PCNT: variants seen among roughly 807,000 people sequenced by gnomAD.
PCNT encodes pericentrin.
PCNT carries 319 observed loss-of-function variants against 380.4 expected under a neutral mutation model. That is an observed-to-expected ratio of 0.84 (90% CI 0.77 to 0.92). PCNT has a LOEUF of 0.92. Among genes scored for constraint, PCNT ranks in the 40% least tolerant of loss-of-function variants. The probability of loss-of-function intolerance (pLI) is 0.00; values close to 1 mark genes in which losing one functional copy is unlikely to be tolerated. For missense variants in PCNT, 4,400 were observed against 4,255.3 expected, an observed-to-expected ratio of 1.03 and a Z score of -0.95; for synonymous variants, 1,845 against 1,735.2, an observed-to-expected ratio of 1.06 and a Z score of -1.57.
chr21:46,360,536 T>C (rs1410816080), intron 13 of PCNT, among the ~76,000 whole-genome samples: 2 of 90,672 alleles, frequency 2.2e-5, no homozygotes, highest in Non-Finnish European at 4.4e-5. Flanking sequence ...TTTTTTTTTC[T>C]GAGACGGAAT....
chr21:46,402,071 T>C (rs1017707624), intron 26 of PCNT, among the ~76,000 whole-genome samples: 1 of 152,030 alleles, frequency 6.6e-6, no homozygotes, highest in Non-Finnish European at 1.5e-5. Flanking sequence ...CCAGGCTGGT[T>C]TCCAACTCCT....
chr21:46,374,615 C>T (rs527355791), intron 15 of PCNT, among the ~76,000 whole-genome samples: 21 of 152,168 alleles, frequency 1.4e-4, no homozygotes, highest in African/African-American at 3.4e-4. Context: ...TTTGGGAGGC[C>T]GAGGCGGGTG....
Position 46,418,127 on chromosome 21 carries a change from A to G in PCNT, c.6922-77A>G, listed in dbSNP as rs951196365. The G allele has an allele frequency of 4.5e-6, 4 of 896,058 alleles. No individual in the cohort carries two copies. In the African/African-American group the frequency reaches 5.1e-5, roughly 11 times the overall value. 55.5% of individuals were successfully genotyped at this position (896,058 alleles called of 1,614,324 possible). On this transcript the variant is annotated intron_variant, in intron 30 of 46. Transcript: ENST00000359568. Reference sequence around the variant, plus strand: ...GTGGGAAGATAAATTCAGGCCTTTGAAAGTTTTCACCTGGCAAAGTCAGCG... The same window carrying G: ...GTGGGAAGATAAATTCAGGCCTTTGGAAGTTTTCACCTGGCAAAGTCAGCG...
chr21:46,340,099 G>A (rs1247765886), intron 3 of PCNT, among the ~76,000 whole-genome samples: 1 of 152,214 alleles, frequency 6.6e-6, no homozygotes. Context: ...TCACAGTCAT[G>A]GTGGAAGGCA....
chr21:46,359,482 T>TG (rs2084614738), intron 13 of PCNT, among the ~76,000 whole-genome samples: 1 of 78,696 alleles, frequency 1.3e-5, no homozygotes, highest in Non-Finnish European at 3.0e-5. Context: ...ATACACCTGT[T>TG]TTTTTTTTGT....
intron 21 of PCNT, among the ~76,000 whole-genome samples, 158 bp downstream of exon 21, chr21:46,391,534 G>A (rs1199472747): frequency 2.0e-5 from 3 of 152,190 alleles, no homozygotes; most frequent in Admixed American, 6.5e-5. Flanking sequence ...AAGCTTGTGC[G>A]GATCAGGTGA....
chr21:46,414,230 G>T (rs902377472), intron 29 of PCNT, among the ~76,000 whole-genome samples: 2 of 152,094 alleles, frequency 1.3e-5, no homozygotes, highest in Non-Finnish European at 2.9e-5. Flanking sequence ...GACCTTAGGT[G>T]ATCCACCCTC....
chr21:46,348,579 G>A (rs2084157792), intron 6 of PCNT, among the ~76,000 whole-genome samples: 2 of 152,122 alleles, frequency 1.3e-5, no homozygotes, highest in African/African-American at 2.4e-5. Flanking sequence ...TGGGTGTAAG[G>A]CCTGTCAGGA....
At chr21:46,328,935 G>A (rs530375020) in intron 2 of PCNT, among the ~76,000 whole-genome samples, 86 of 151,902 alleles carry the variant, frequency 5.7e-4, no homozygotes, top group South Asian at 4.2e-3. Flanking sequence ...CACCATGGCC[G>A]GCTAATTTTT....
At chr21:46,418,779 G>A (rs1362533487) in intron 31 of PCNT, among the ~76,000 whole-genome samples, 1 of 152,218 alleles carries the variant, frequency 6.6e-6, no homozygotes, top group South Asian at 2.1e-4. Flanking sequence ...TGTGGGTTTC[G>A]GGGCACCGGC....
In PCNT at chr21:46,346,920, C is replaced by G; in HGVS notation, c.898C>G (p.Gln300Glu). The change falls in exon 5 of 47, where the codon CAG (glutamine) becomes GAG (glutamate). Residue 300 changes from glutamine (Q) to glutamate (E), a missense_variant. Transcript: ENST00000359568. The part of the protein sequence containing the change: ...QELALLQSRQ[Q>E]HELELLREQH... ...GCTGGCCCTGCTACAGAGCAGGCAG[C>G]AGCACGAGCTGGAGCTCCTCAGGGA... 6.2e-7 allele frequency: 1 copy of G among 1,600,864 alleles called. No individual in the cohort carries two copies. The highest frequency in any genetic ancestry group is 8.5e-7 in the Non-Finnish European group (1 of 1,175,072).
intron 28 of PCNT, 91 bp downstream of exon 28, chr21:46,412,158 G>A (rs972414309): frequency 4.9e-6 from 7 of 1,420,790 alleles, no homozygotes; most frequent in African/African-American, 4.2e-5. Flanking sequence ...GCTGGGCACT[G>A]GGGGCTGCAG....
At chr21:46,426,117 C>T (rs1332447812) in intron 33 of PCNT, 146 bp downstream of exon 33, 73 of 757,436 alleles carry the variant, frequency 9.6e-5, no homozygotes, top group Admixed American at 2.1e-4. Context: ...TCACTGCAAC[C>T]TCCACCACCC....
At chr21:46,371,973 C>T (rs1458903525) in intron 15 of PCNT, among the ~76,000 whole-genome samples, 14 of 150,668 alleles carry the variant, frequency 9.3e-5, no homozygotes, top group Admixed American at 4.6e-4. Context: ...ATACATAGCA[C>T]ATACACACAT....
chr21:46,331,119 C>T (rs1416303266), intron 2 of PCNT, among the ~76,000 whole-genome samples: 3 of 152,092 alleles, frequency 2.0e-5, no homozygotes, highest in Non-Finnish European at 2.9e-5. Flanking sequence ...TTACTTTGAT[C>T]ACTAACTGTT....
chr21:46,425,651 T>G lies in PCNT; in HGVS notation c.7180-180T>G, dbSNP rs2087462142. Among the ~76,000 whole-genome samples, 1 of 152,210 alleles carries G rather than the reference T, an allele frequency of 6.6e-6. No individual in the cohort carries two copies. The highest frequency in any genetic ancestry group is 1.5e-5 in the Non-Finnish European group (1 of 68,042). ...TCTCTGAAGGTCGGGAGAGGTGGGC[T>G]TGAAAACCTTGTAGCTTGAGAAGTG... On this transcript the variant is annotated intron_variant, in intron 32 of 46. Coordinates refer to ENST00000359568, the MANE Select transcript of PCNT (RefSeq NM_006031.6). This position sits in a 1 kb window ranked among gnomAD's most constrained non-coding sequence, Gnocchi z 4.2.
chr21:46,333,456 A>T (rs1427819972), intron 2 of PCNT, among the ~76,000 whole-genome samples: 4 of 151,962 alleles, frequency 2.6e-5, no homozygotes, highest in Non-Finnish European at 5.9e-5. Flanking sequence ...AGAAAAAAAA[A>T]ATTAGCCGGG....
chr21:46,381,210 G>C (rs2085526598), intron 15 of PCNT, among the ~76,000 whole-genome samples: 2 of 84,112 alleles, frequency 2.4e-5, no homozygotes, highest in Non-Finnish European at 4.1e-5. Flanking sequence ...GTGTGTGTGT[G>C]TGTGTGTGTG....
intron 3 of PCNT, 141 bp downstream of exon 3, chr21:46,334,909 G>C: frequency 7.3e-7 from 1 of 1,373,298 alleles, no homozygotes. Flanking sequence ...GAGAGCTGGA[G>C]GCAGAGGCTC....
Sources: allele counts gnomAD v4.1 joint callset (sites outside exome capture counted in the v4.1 genomes callset), GRCh38; gene constraint gnomAD v4.1.1; non-coding constraint Gnocchi (gnomAD v3.1); transcripts MANE v1.5; gene names NCBI Gene and HGNC (gene_info 2026-07-23, HGNC 2026-07-21).